MOSPD2: variants seen among roughly 807,000 people sequenced by gnomAD.
MOSPD2 encodes motile sperm domain-containing protein 2.
Under a neutral mutation model 41.7 loss-of-function variants are expected in MOSPD2, and 5 were observed. The ratio of observed to expected loss-of-function variants is 0.12; its 90% CI spans 0.06 to 0.25. MOSPD2 has a LOEUF of 0.25. Ranked by LOEUF, MOSPD2 falls within the 10% of genes least tolerant of loss-of-function variation. The pLI, the probability that MOSPD2 is intolerant of heterozygous loss-of-function variation, is 1.00. For synonymous variants in MOSPD2, 115 were observed against 126.9 expected, an observed-to-expected ratio of 0.91 and a Z score of 0.63; for missense variants, 282 against 375.2, an observed-to-expected ratio of 0.75 and a Z score of 2.05.
chrX:14,915,181 C>G (rs1446634950), intron 11 of MOSPD2, among the ~76,000 whole-genome samples: 1 of 111,963 alleles, frequency 8.9e-6, no homozygotes, highest in Non-Finnish European at 1.9e-5. Flanking sequence ...AACATGCAAT[C>G]TAATGTGCAT....
At position 14,914,519 on chromosome X, in the gene MOSPD2, T is replaced by C; in HGVS notation, c.1009T>C (p.Tyr337His). Residue 337 changes from tyrosine to histidine, a missense_variant, in exon 11 of 15, where the codon TAC becomes CAC. Transcript: ENST00000380492. ...ACTCCCTAGCCCAGCAGAAGAACTG[T>C]ACTTTGGAAGTACAGAATCCGGAGA... is the stretch of plus-strand genomic sequence containing the variant. The part of the protein sequence containing the change: ...LLHISPAEEL[Y>H]FGSTESGEKK... The C allele has an allele frequency of 1.7e-6, 2 of 1,192,369 alleles. No individual in the cohort carries two copies. Among genetic ancestry groups the C allele is most frequent in the Non-Finnish European group, 2.3e-6 (2 of 882,229 alleles).
chrX:14,914,082 G>T (rs1347002096), intron 10 of MOSPD2, among the ~76,000 whole-genome samples: 2 of 111,664 alleles, frequency 1.8e-5, no homozygotes, highest in African/African-American at 6.5e-5. Flanking sequence ...TTTAAGTTAT[G>T]CTCTTTTCTG....
intron 2 of MOSPD2, among the ~76,000 whole-genome samples, chrX:14,887,296 G>A (rs1160195020): frequency 8.9e-6 from 1 of 112,116 alleles, no homozygotes; most frequent in African/African-American, 3.2e-5. Context: ...TTCCTTACTG[G>A]TAAACTAATA....
At chrX:14,906,302 T>A (rs994689538) in intron 7 of MOSPD2, among the ~76,000 whole-genome samples, 1 of 111,774 alleles carries the variant, frequency 8.9e-6, no homozygotes, top group Non-Finnish European at 1.9e-5. Flanking sequence ...TTATGGTCAG[T>A]TGATTTTTTT....
In MOSPD2 at chrX:14,873,439, C is replaced by G; in HGVS notation, c.-90C>G. ...CCCTCCCACCCTTCTCTGTCTACCT[C>G]TGGGCGGGACTGCCGGGTGATGAGA... On this transcript the variant is annotated 5_prime_UTR_variant, in exon 1 of 15. Transcript: ENST00000380492. 2 of 1,170,926 alleles carry G rather than the reference C, an allele frequency of 1.7e-6. No individual in the cohort carries two copies. The highest frequency in any genetic ancestry group is 1.8e-5 in the South Asian group (1 of 55,649).
At chrX:14,899,131 C>CTTTTTTTTTTTTTTTTTTTTTTTTTTTT (rs2092567902) in intron 5 of MOSPD2, among the ~76,000 whole-genome samples, 1 of 104,791 alleles carries the variant, frequency 9.5e-6, no homozygotes, top group Non-Finnish European at 2.0e-5. Flanking sequence ...GAAAGTCTTT[C>CTTTTTTTTTTTTTTTTTTTTTTTTTTTT]ATGGGTCCTC....
In MOSPD2 at chrX:14,914,529, G is replaced by A. The variant is rs41297321; in HGVS notation, c.1019G>A (p.Ser340Asn). ...CCAGCAGAAGAACTGTACTTTGGAAGTACAGAATCCGGAGAGAAGAAAACC... is the reference window on the plus strand; with the variant it reads ...CCAGCAGAAGAACTGTACTTTGGAAATACAGAATCCGGAGAGAAGAAAACC... ...ISPAEELYFGSTESGEKKTLI... is the reference protein window; with the variant it reads ...ISPAEELYFGNTESGEKKTLI... The change falls in exon 11 of 15, where the codon AGT (serine) becomes AAT (asparagine). Residue 340 changes from serine to asparagine, a missense_variant. By Grantham distance (46) the Ser-to-Asn change is conservative. Around this residue, in one of 3 missense-constraint regions of MOSPD2, gnomAD observed 187 missense variants for 256.6 expected, o/e 0.73. Transcript: ENST00000380492. 1.1e-3 allele frequency: 1,323 copies of A among 1,194,311 alleles called. 1 individual carries two copies. Among genetic ancestry groups the A allele is most frequent in the Non-Finnish European group, 1.4e-3 (1,248 of 885,178 alleles).
At position 14,920,933 on chromosome X, in the gene MOSPD2, G is replaced by GA; in HGVS notation, c.*1129dup. 1 of 754,272 alleles carries GA rather than the reference G, an allele frequency of 1.3e-6. No individual in the cohort carries two copies. Among genetic ancestry groups the GA allele is most frequent in the Non-Finnish European group, 1.6e-6 (1 of 639,499 alleles). 62.2% of individuals were successfully genotyped at this position (754,272 alleles called of 1,213,427 possible). A position where few individuals can be genotyped will look rare whatever the true frequency, so the allele number is the denominator to read the frequency against. ...GGTGTCAGCTCTCCGTTTAAAGAAT[G>GA]AAAAATGTAACTCATGATGATCTGT... is the stretch of plus-strand genomic sequence containing the variant. On this transcript the variant is annotated 3_prime_UTR_variant, in exon 15 of 15. Transcript: ENST00000380492.
At chrX:14,894,316 ATTTTTTTT>A (rs759189386) in intron 3 of MOSPD2, among the ~76,000 whole-genome samples, 1 of 66,534 alleles carries the variant, frequency 1.5e-5, no homozygotes, top group African/African-American at 6.2e-5. Flanking sequence ...TTATTGATTG[ATTTTTTTT>A]TTTTTTTTTT....
intron 2 of MOSPD2, among the ~76,000 whole-genome samples, chrX:14,888,242 A>ACACACC (rs1442404520): frequency 1.9e-5 from 2 of 102,740 alleles, no homozygotes; most frequent in African/African-American, 3.9e-5. Context: ...ACACACACAC[A>ACACACC]CACACACCTT....
chrX:14,893,082 C>T (rs1453024651), intron 3 of MOSPD2: 1 of 308,518 alleles, frequency 3.2e-6, no homozygotes, highest in African/African-American at 2.6e-5. Flanking sequence ...ATCAGATCAC[C>T]AGAGAGCAGA....
intron 3 of MOSPD2, among the ~76,000 whole-genome samples, chrX:14,893,708 A>T (rs773327804): frequency 7.1e-5 from 8 of 112,756 alleles, no homozygotes; most frequent in Admixed American, 1.9e-4. Flanking sequence ...CTCACTCTTC[A>T]TGCTTGCAGA....
chrX:14,912,209 T>C (rs2092592985), intron 9 of MOSPD2, 40 bp from the exon 10 acceptor site: 1 of 933,410 alleles, frequency 1.1e-6, no homozygotes, highest in African/African-American at 2.2e-5. Context: ...ATGGTCATGT[T>C]AATATATGCT....
intron 2 of MOSPD2, among the ~76,000 whole-genome samples, chrX:14,888,781 GTGTT>G (rs1420717260): frequency 9.0e-6 from 1 of 110,564 alleles, no homozygotes; most frequent in African/African-American, 3.3e-5. Flanking sequence ...GTGTGTGTGT[GTGTT>G]TGTGTGCATG....
At chrX:14,912,584 T>G (rs1260619975) in intron 10 of MOSPD2, among the ~76,000 whole-genome samples, 1 of 111,721 alleles carries the variant, frequency 9.0e-6, no homozygotes, top group Non-Finnish European at 1.9e-5. Flanking sequence ...TCATCACACA[T>G]CAGATAATAA....
intron 7 of MOSPD2, among the ~76,000 whole-genome samples, chrX:14,905,997 A>G (rs1372572844): frequency 8.9e-6 from 1 of 111,846 alleles, no homozygotes; most frequent in Non-Finnish European, 1.9e-5. Context: ...TGTATTGTTA[A>G]GAGGTCAACA....
rs1218758284 is a variant in MOSPD2 at position 14,889,034 on chromosome X, T to C, written c.80-3689T>C. Among the ~76,000 whole-genome samples the C allele has an allele frequency of 2.7e-5, 3 of 111,573 alleles. No individual in the cohort carries two copies. The East Asian group carries it at 8.4e-4, about 31-fold the overall frequency. On this transcript the variant is annotated intron_variant, in intron 2 of 14. Transcript: ENST00000380492. Reference sequence around the variant, plus strand: ...TCTCAGTTTTGGAGGCTGGGAAGTCTCCGATCAAGGTGCCAGTACTTGGTG... The same window carrying C: ...TCTCAGTTTTGGAGGCTGGGAAGTCCCCGATCAAGGTGCCAGTACTTGGTG...
At chrX:14,905,690 C>T (rs1454986265) in intron 7 of MOSPD2, among the ~76,000 whole-genome samples, 1 of 110,401 alleles carries the variant, frequency 9.1e-6, no homozygotes, top group Non-Finnish European at 1.9e-5. Flanking sequence ...CACAAGGTTT[C>T]ACCACATTTG....
In MOSPD2 at chrX:14,912,299, T is replaced by C. The variant is rs753728647; in HGVS notation, c.930T>C (p.Asp310=). 8.4e-7 allele frequency: 1 copy of C among 1,194,165 alleles called. No homozygotes were observed. The highest frequency in any genetic ancestry group is 2.3e-4 in the Middle Eastern group (1 of 4,261). ...AAGCAGAAGAAAATGAAAAAGTTGATTCAAAAGTGAAAGCTTTCAAGAAAC... is the reference window on the plus strand; with the variant it reads ...AAGCAGAAGAAAATGAAAAAGTTGACTCAAAAGTGAAAGCTTTCAAGAAAC... ...TSKAEENEKV[D]SKVKAFKKPL... Residue 310 remains aspartate, a synonymous_variant, in exon 10 of 15, where the codon GAT becomes GAC. Transcript: ENST00000380492.
Sources: allele counts gnomAD v4.1 joint callset (sites outside exome capture counted in the v4.1 genomes callset), GRCh38; gene constraint gnomAD v4.1.1; regional missense constraint gnomAD v4.1.1; transcripts MANE v1.5; gene names NCBI Gene and HGNC (gene_info 2026-07-23, HGNC 2026-07-21).